The following EML6 variants were observed in gnomAD, a reference collection of about 807,000 sequenced individuals.
EML6 encodes the protein echinoderm microtubule-associated protein-like 6.
Under a neutral mutation model 240.1 loss-of-function variants are expected in EML6, and 154 were observed. The ratio of observed to expected loss-of-function variants is 0.64; its 90% CI spans 0.56 to 0.73. The LOEUF (loss-of-function observed/expected upper bound fraction) is 0.73. EML6 is among the 30% of genes least tolerant of loss of function. EML6 has a pLI of 0.00. For missense variants in EML6, 2,964 were observed against 2,474.6 expected (o/e 1.20, Z -4.20); for synonymous variants, 1,148 against 899.0 (o/e 1.28, Z -4.95).
At chr2:54,836,840 G>T (rs1465513066) in intron 7 of EML6, among the ~76,000 whole-genome samples, 1 of 152,138 alleles carries the variant, frequency 6.6e-6, no homozygotes, top group East Asian at 1.9e-4. Context: ...ATGAATCCCT[G>T]GGGAGATGCA....
intron 2 of EML6, among the ~76,000 whole-genome samples, chr2:54,727,739 A>G (rs1572827393): frequency 6.6e-6 from 1 of 152,354 alleles, no homozygotes; most frequent in East Asian, 1.9e-4. Context: ...GTAATTGTCC[A>G]CTTGGTACAT....
At chr2:54,858,036 G>C (rs1428465028) in intron 11 of EML6, among the ~76,000 whole-genome samples, 2 of 152,190 alleles carry the variant, frequency 1.3e-5, no homozygotes, top group Non-Finnish European at 2.9e-5. Context: ...TGGTTTCTGG[G>C]AGTCAAGGAG....
In EML6 at chr2:54,933,595, AT is replaced by A. The variant is rs1674975838; in HGVS notation, c.4004+4845del. On this transcript the variant is annotated intron_variant, in intron 28 of 41. Coordinates refer to ENST00000356458, the MANE Select transcript of EML6 (RefSeq NM_001039753.4). ...CTAAAAATACAAAAATTAGCCTGGT[AT>A]GGTGGCACACGCCTGTAATCTCAGC... Among the ~76,000 whole-genome samples, 5 of 152,162 alleles carry A rather than the reference AT, an allele frequency of 3.3e-5. No homozygotes were observed. In the South Asian group the frequency reaches 1.0e-3, roughly 32 times the overall value.
rs1298138084 is a variant in EML6, at chr2:54,971,991, TTA to T, written c.*1898_*1899del. Reference sequence around the variant, plus strand: ...GTATAAAACACATCACTTAAACATTTTATGTGTCAAATAAAATTTGATTATGT... The same window carrying T: ...GTATAAAACACATCACTTAAACATTTTGTGTCAAATAAAATTTGATTATGT... On this transcript the variant is annotated 3_prime_UTR_variant, in exon 42 of 42. Coordinates refer to ENST00000356458, the MANE Select transcript of EML6 (RefSeq NM_001039753.4). The T allele has an allele frequency of 2.0e-5, 3 of 152,362 alleles. No individual in the cohort carries two copies. Among genetic ancestry groups the T allele is most frequent in the East Asian group, 1.9e-4 (1 of 5,192 alleles). The allele number at this position is 152,362 out of a possible 1,614,324, so 9.4% of individuals were successfully genotyped here.
At chr2:54,878,293 T>G (rs1011203737) in intron 16 of EML6, among the ~76,000 whole-genome samples, 4 of 152,150 alleles carry the variant, frequency 2.6e-5, no homozygotes, top group Non-Finnish European at 5.9e-5. Flanking sequence ...AAGAGGCAAT[T>G]TATCACAGAC....
At chr2:54,928,582 A>G in intron 27 of EML6, 43 bp from the exon 28 acceptor site, 2 of 1,551,928 alleles carry the variant, frequency 1.3e-6, no homozygotes, top group Non-Finnish European at 1.7e-6. Flanking sequence ...TTCCTGGGCC[A>G]CTGCAAACCA....
At chr2:54,951,037 T>C (rs1417605299) in intron 30 of EML6, among the ~76,000 whole-genome samples, 1 of 152,120 alleles carries the variant, frequency 6.6e-6, no homozygotes, top group African/African-American at 2.4e-5. Context: ...CACCAGCCTC[T>C]GTAACCGACA....
At chr2:54,921,442 G>C (rs1391818400) in intron 26 of EML6, among the ~76,000 whole-genome samples, 1 of 152,048 alleles carries the variant, frequency 6.6e-6, no homozygotes, top group Non-Finnish European at 1.5e-5. Flanking sequence ...CAAATAAATG[G>C]AAAGAGATCC....
At chr2:54,829,061 T>A (rs1028093434) in intron 6 of EML6, among the ~76,000 whole-genome samples, 1 of 152,246 alleles carries the variant, frequency 6.6e-6, no homozygotes, top group Non-Finnish European at 1.5e-5. Flanking sequence ...TTCCCATATC[T>A]GCATTAATTA....
At chr2:54,789,400 G>A (rs1276492487) in intron 2 of EML6, among the ~76,000 whole-genome samples, 2 of 151,170 alleles carry the variant, frequency 1.3e-5, no homozygotes, top group Admixed American at 6.6e-5. Context: ...TGTAGTCCCA[G>A]CTACTCGGGA....
At chr2:54,913,813 C>A (rs964948741) in intron 25 of EML6, among the ~76,000 whole-genome samples, 1 of 152,146 alleles carries the variant, frequency 6.6e-6, no homozygotes, top group Non-Finnish European at 1.5e-5. Context: ...AATCTCTAAT[C>A]CATCTTGAGT....
chr2:54,931,150 G>C (rs904958488), intron 28 of EML6, among the ~76,000 whole-genome samples: 1 of 151,884 alleles, frequency 6.6e-6, no homozygotes, highest in Non-Finnish European at 1.5e-5. Flanking sequence ...GTAGAGACGG[G>C]GTTTCACCGT....
intron 8 of EML6, among the ~76,000 whole-genome samples, chr2:54,844,601 T>A (rs980962216): frequency 1.3e-5 from 2 of 152,180 alleles, no homozygotes; most frequent in African/African-American, 4.8e-5. Flanking sequence ...GCATGGAGAT[T>A]TTACAATTTT....
intron 2 of EML6, among the ~76,000 whole-genome samples, chr2:54,760,956 A>T (rs772410883): frequency 6.6e-6 from 1 of 151,950 alleles, no homozygotes; most frequent in African/African-American, 2.4e-5. Context: ...ATGGTGACCA[A>T]TAATGTTTTT....
chr2:54,907,484 G>A (rs1673386945), intron 24 of EML6, among the ~76,000 whole-genome samples: 1 of 152,194 alleles, frequency 6.6e-6, no homozygotes, highest in Non-Finnish European at 1.5e-5. Context: ...TCCAGCCTGG[G>A]TAACAGAGCG....
chr2:54,965,466 C>G (rs1014359112), intron 38 of EML6, among the ~76,000 whole-genome samples: 1 of 152,142 alleles, frequency 6.6e-6, no homozygotes, highest in Non-Finnish European at 1.5e-5. Context: ...AGGGGAATTG[C>G]AATAGAGAAA....
chr2:54,822,031 A>G (rs928072206), intron 5 of EML6, among the ~76,000 whole-genome samples: 8 of 152,194 alleles, frequency 5.3e-5, no homozygotes, highest in African/African-American at 1.9e-4. Flanking sequence ...TAGCAAAAGT[A>G]TAAGCAACAC....
intron 2 of EML6, among the ~76,000 whole-genome samples, chr2:54,802,345 G>T (rs1409626064): frequency 6.6e-6 from 1 of 152,088 alleles, no homozygotes. Context: ...ATTTTAGTAG[G>T]CAGGGTGCAG....
At chr2:54,802,086 T>C (rs2103975641) in intron 2 of EML6, among the ~76,000 whole-genome samples, 1 of 152,324 alleles carries the variant, frequency 6.6e-6, no homozygotes, top group East Asian at 1.9e-4. Context: ...GTGTCCATTA[T>C]AGGCTAGGCA....
Sources: gnomAD v4.1 joint callset for allele counts (sites outside exome capture counted in the v4.1 genomes callset) on GRCh38, gnomAD v4.1.1 for gene constraint, MANE v1.5 for transcripts, NCBI Gene and HGNC (gene_info 2026-07-23, HGNC 2026-07-21) for gene names.